CCDC171: variants seen among roughly 807,000 people sequenced by gnomAD.
CCDC171 encodes coiled-coil domain containing 171, also known as coiled-coil domain-containing protein 171.
CCDC171 carries 177 observed loss-of-function variants against 168.2 expected under a neutral mutation model. The ratio of observed to expected loss-of-function variants is 1.05; its 90% CI spans 0.93 to 1.19. The LOEUF (loss-of-function observed/expected upper bound fraction) is 1.19, where lower values mean the gene tolerates loss of function less well. CCDC171 is among the 50% of genes most tolerant of loss of function. The pLI, the probability that CCDC171 is intolerant of heterozygous loss-of-function variation, is 0.00. For synonymous variants in CCDC171, 687 were observed against 540.8 expected, an observed-to-expected ratio of 1.27 and a Z score of -3.75; for missense variants, 1,991 against 1,539.0, an observed-to-expected ratio of 1.29 and a Z score of -4.91.
intron 6 of CCDC171, among the ~76,000 whole-genome samples, chr9:16,024,549 G>A (rs1028530648): frequency 2.6e-5 from 4 of 152,222 alleles, no homozygotes; most frequent in African/African-American, 9.6e-5. Context: ...AGAAGCCAGA[G>A]CAGATGAGGC....
intron 16 of CCDC171, among the ~76,000 whole-genome samples, chr9:15,740,853 G>GT (rs1201875535): frequency 1.3e-5 from 2 of 152,074 alleles, no homozygotes; most frequent in Non-Finnish European, 2.9e-5. Context: ...AAACTGGTTT[G>GT]TTTTTTGGTG....
intron 24 of CCDC171, among the ~76,000 whole-genome samples, chr9:15,906,546 A>G (rs1249964404): frequency 6.6e-6 from 1 of 152,244 alleles, no homozygotes; most frequent in Non-Finnish European, 1.5e-5. Flanking sequence ...GCTATCTATG[A>G]CAAACCCACA....
intron 25 of CCDC171, among the ~76,000 whole-genome samples, chr9:15,966,901 A>G (rs1446709503): frequency 2.8e-4 from 42 of 151,846 alleles, no homozygotes; most frequent in African/African-American, 7.5e-4. Context: ...GTGTGTATAT[A>G]TATATATATA....
At chr9:15,564,315 G>A (rs915440941) in intron 2 of CCDC171, among the ~76,000 whole-genome samples, 186 bp downstream of exon 2, 1 of 152,190 alleles carries the variant, frequency 6.6e-6, no homozygotes, top group African/African-American at 2.4e-5. Context: ...GAGACTTTAT[G>A]GGGATTTTGT....
chr9:15,575,427 G>T (rs746713369), intron 3 of CCDC171, among the ~76,000 whole-genome samples: 1 of 152,032 alleles, frequency 6.6e-6, no homozygotes, highest in Non-Finnish European at 1.5e-5. Flanking sequence ...ACCCACCTTG[G>T]CCTCCCAAAG....
intron 16 of CCDC171, among the ~76,000 whole-genome samples, chr9:15,731,838 A>G (rs2054170125): frequency 6.6e-6 from 1 of 152,052 alleles, no homozygotes; most frequent in Admixed American, 6.6e-5. Flanking sequence ...CCATTGTTCT[A>G]CATCCTCTGC....
At chr9:16,028,994 A>G (rs1245905439) in intron 6 of CCDC171, among the ~76,000 whole-genome samples, 3 of 152,058 alleles carry the variant, frequency 2.0e-5, no homozygotes, top group Non-Finnish European at 4.4e-5. Flanking sequence ...TTGCCCTGGT[A>G]AAAAGCCTTG....
the CCDC171 span, among the ~76,000 whole-genome samples, chr9:16,108,060 A>G: frequency 2.6e-5 from 4 of 152,348 alleles, no homozygotes; most frequent in East Asian, 3.9e-4. Flanking sequence ...AGCGGTATAA[A>G]CTTCAGTCGC....
intron 11 of CCDC171, among the ~76,000 whole-genome samples, chr9:15,715,246 A>G (rs1007218969): frequency 6.6e-6 from 1 of 152,226 alleles, no homozygotes; most frequent in African/African-American, 2.4e-5. Context: ...GACTTACATA[A>G]TAAATACTTT....
At chr9:15,802,396 C>T (rs1588591121) in intron 21 of CCDC171, among the ~76,000 whole-genome samples, 1 of 151,922 alleles carries the variant, frequency 6.6e-6, no homozygotes, top group African/African-American at 2.4e-5. Context: ...CCTTCCTGAT[C>T]CTCTCCCTCC....
At chr9:15,710,886 C>T (rs1044930085) in intron 11 of CCDC171, among the ~76,000 whole-genome samples, 9 of 152,126 alleles carry the variant, frequency 5.9e-5, no homozygotes, top group Non-Finnish European at 8.8e-5. Context: ...CGTGAGCCAC[C>T]GTACCCGGCC....
chr9:16,020,497 AT>A (rs1302719489), intron 3 of CCDC171: 1 of 154,208 alleles, frequency 6.5e-6, no homozygotes, highest in African/African-American at 2.4e-5. Context: ...ACAGCATATG[AT>A]TTTTTTCTTT....
intron 11 of CCDC171, among the ~76,000 whole-genome samples, chr9:15,708,892 A>G (rs771580805): frequency 4.6e-5 from 7 of 152,210 alleles, no homozygotes. Flanking sequence ...ATTGATTCAG[A>G]GTAGAACTTT....
intron 24 of CCDC171, among the ~76,000 whole-genome samples, chr9:15,909,636 T>C (rs921124578): frequency 1.3e-5 from 2 of 152,180 alleles, no homozygotes; most frequent in Non-Finnish European, 2.9e-5. Flanking sequence ...GTGCTATTAG[T>C]AATAGGCCGT....
chr9:16,025,070 C>T (rs1370048407), intron 6 of CCDC171, among the ~76,000 whole-genome samples: 4 of 152,204 alleles, frequency 2.6e-5, no homozygotes, highest in South Asian at 2.1e-4. Context: ...GTAAGTTAAA[C>T]GTAGAATAAC....
At chr9:15,720,973 C>T (rs561545063) in intron 11 of CCDC171, among the ~76,000 whole-genome samples, 32 of 152,156 alleles carry the variant, frequency 2.1e-4, no homozygotes, top group Non-Finnish European at 4.6e-4. Flanking sequence ...TTTGAATCAA[C>T]AATCAATTTA....
intron 21 of CCDC171, among the ~76,000 whole-genome samples, chr9:15,820,074 C>G (rs13301393): frequency 0.11 from 12,516 of 117,164 alleles, 4,119 homozygotes; most frequent in Non-Finnish European, 0.17. Flanking sequence ...ACTGAACAGC[C>G]TGCTCCTGAA....
At chr9:15,940,376 G>A (rs751562157) in intron 25 of CCDC171, among the ~76,000 whole-genome samples, 51 of 151,806 alleles carry the variant, frequency 3.4e-4, no homozygotes, top group Non-Finnish European at 6.9e-4. Flanking sequence ...TGATTGAAGG[G>A]AATTTTCCAG....
chr9:15,901,458 A>G (rs1821656114), intron 24 of CCDC171, among the ~76,000 whole-genome samples: 1 of 152,202 alleles, frequency 6.6e-6, no homozygotes, highest in Non-Finnish European at 1.5e-5. Context: ...CATGTATGGG[A>G]ACTCTCTGTA....
Sources: allele counts gnomAD v4.1 joint callset (sites outside exome capture counted in the v4.1 genomes callset), GRCh38; gene constraint gnomAD v4.1.1; transcripts MANE v1.5; gene names NCBI Gene and HGNC (gene_info 2026-07-23, HGNC 2026-07-21).